CPEB2: variants seen among roughly 807,000 people sequenced by gnomAD.
The protein encoded by CPEB2 is cytoplasmic polyadenylation element binding protein 2.
In CPEB2, 56 loss-of-function variants were observed where a neutral mutation model predicts 93.6. The ratio of observed to expected loss-of-function variants is 0.60; its 90% CI spans 0.48 to 0.75. The LOEUF (loss-of-function observed/expected upper bound fraction) is 0.75, where lower values mean the gene tolerates loss of function less well. CPEB2 is among the 30% of genes least tolerant of loss of function. The pLI, the probability that CPEB2 is intolerant of heterozygous loss-of-function variation, is 0.00. For synonymous variants in CPEB2, 764 were observed against 586.3 expected (o/e 1.30, Z -4.38); for missense variants, 1,579 against 1,395.1 (o/e 1.13, Z -2.10).
chr4:15,025,236 TA>T (rs1306768628), intron 4 of CPEB2, among the ~76,000 whole-genome samples: 18 of 152,220 alleles, frequency 1.2e-4, no homozygotes, highest in East Asian at 9.6e-4. Context: ...AAACCTCCTT[TA>T]AAAAAATTCT....
chr4:15,025,657 T>C (rs1467452639), intron 4 of CPEB2, among the ~76,000 whole-genome samples: 2 of 151,826 alleles, frequency 1.3e-5, no homozygotes, highest in African/African-American at 4.8e-5. Flanking sequence ...AGGAGGGTTC[T>C]TTTAAAAACT....
In CPEB2 at chr4:15,003,206, A is replaced by G; in HGVS notation, c.533A>G (p.Lys178Arg). ...CAGCAGCAGCAGCTGAGCAGCCAGA[A>G]GAGGAAAGAGTTCAGCCCTCCCCAC... Reference protein sequence around the residue: ...KRQQQQLSSQKRKEFSPPHLP... With the variant: ...KRQQQQLSSQRRKEFSPPHLP... The change falls in exon 1 of 12, where the codon AAG (lysine) becomes AGG (arginine). Residue 178 changes from lysine to arginine, a missense_variant. By Grantham distance (26) the Lys-to-Arg change is conservative. This residue lies in a region of CPEB2 where 1,411 missense variants were observed against 1,056.0 expected (regional missense o/e 1.34). Coordinates refer to ENST00000538197, the MANE Select transcript of CPEB2 (RefSeq NM_001177382.2). 1 of 1,533,764 alleles carries G rather than the reference A, an allele frequency of 6.5e-7. No individual in the cohort carries two copies.
At chr4:15,048,014 TG>T (rs1727874611) in intron 6 of CPEB2, among the ~76,000 whole-genome samples, 1 of 151,952 alleles carries the variant, frequency 6.6e-6, no homozygotes, top group South Asian at 2.1e-4. Flanking sequence ...TGTCTGTTTA[TG>T]TAGTACAATT....
chr4:15,028,802 G>C (rs747368687), intron 4 of CPEB2, among the ~76,000 whole-genome samples: 1 of 152,082 alleles, frequency 6.6e-6, no homozygotes, highest in Admixed American at 6.6e-5. Flanking sequence ...GAACAGCAGA[G>C]ATCAGTGTAG....
At chr4:15,012,483 A>G (rs986456832) in intron 3 of CPEB2, among the ~76,000 whole-genome samples, 1 of 152,144 alleles carries the variant, frequency 6.6e-6, no homozygotes, top group Non-Finnish European at 1.5e-5. Context: ...AAAAAATACT[A>G]TTCTTTGTCT....
At chr4:15,023,040 G>A (rs1451541557) in intron 4 of CPEB2, among the ~76,000 whole-genome samples, 1 of 151,802 alleles carries the variant, frequency 6.6e-6, no homozygotes, top group African/African-American at 2.4e-5. Context: ...AATTATGACA[G>A]ACTGAAATTT....
Position 15,007,473 on chromosome 4 carries a change from G to T in CPEB2, c.1831G>T (p.Val611Phe). The change falls in exon 2 of 12, where the codon GTC (valine) becomes TTC (phenylalanine). Residue 611 changes from valine to phenylalanine, a missense_variant. By Grantham distance (50) the Val-to-Phe change is conservative (BLOSUM62 -1). This residue lies in a region of CPEB2 where 1,411 missense variants were observed against 1,056.0 expected (regional missense o/e 1.34). Coordinates refer to ENST00000538197, the MANE Select transcript of CPEB2 (RefSeq NM_001177382.2). ...SPLKKPFSGN[V>F]IAPPKFTRST... ...ATTGAAGAAACCGTTTTCTGGTAAT[G>T]TCATAGCACCACCGAAATTTACTCG... is the stretch of plus-strand genomic sequence containing the variant. 6.2e-7 allele frequency: 1 copy of T among 1,614,086 alleles called. No homozygotes were observed. The highest frequency in any genetic ancestry group is 8.5e-7 in the Non-Finnish European group (1 of 1,180,006).
At chr4:15,022,092 C>A (rs1724870521) in intron 4 of CPEB2, among the ~76,000 whole-genome samples, 1 of 152,072 alleles carries the variant, frequency 6.6e-6, no homozygotes, top group African/African-American at 2.4e-5. Flanking sequence ...AACTGTCGAG[C>A]CAGACAGAGG....
At chr4:15,024,151 AT>A (rs1725155401) in intron 4 of CPEB2, among the ~76,000 whole-genome samples, 1 of 151,956 alleles carries the variant, frequency 6.6e-6, no homozygotes, top group Admixed American at 6.6e-5. Context: ...TATCATCCAG[AT>A]TGTTTTTTTT....
chr4:15,012,992 C>G (rs532724478), intron 3 of CPEB2, among the ~76,000 whole-genome samples: 28 of 152,032 alleles, frequency 1.8e-4, no homozygotes, highest in Admixed American at 1.3e-3. Context: ...TTTGAATTCC[C>G]TTTGTCATAC....
In CPEB2 at chr4:15,052,459, GTCACAGTGA is replaced by G. The variant is rs1260328067; in HGVS notation, c.2250_2258del (p.His750_Asp752del). On this transcript the variant is annotated inframe_deletion, in exon 7 of 12. Transcript: ENST00000538197. ...ATAGATGATGGCTTGCTTGATGATG[GTCACAGTGA>G]TCAAGTTGGAGTTTTAAATTCACCC... 6 of 1,586,522 alleles carry G rather than the reference GTCACAGTGA, an allele frequency of 3.8e-6. No individual in the cohort carries two copies. Among genetic ancestry groups the G allele is most frequent in the Non-Finnish European group, 5.2e-6 (6 of 1,162,954 alleles).
intron 10 of CPEB2, among the ~76,000 whole-genome samples, chr4:15,060,376 CAGAG>C (rs1161885037): frequency 6.6e-6 from 1 of 152,102 alleles, no homozygotes; most frequent in Non-Finnish European, 1.5e-5. Flanking sequence ...GCTAATGATT[CAGAG>C]AGAGGGGGGC....
chr4:15,003,141 C>G lies in CPEB2; in HGVS notation c.468C>G (p.Cys156Trp). The change falls in exon 1 of 12, where the codon TGC (cysteine) becomes TGG (tryptophan). Residue 156 changes from cysteine (C) to tryptophan (W), a missense_variant. Transcript: ENST00000538197. ...CCTCCTCCTCCGCCTCCTCCTGCTG[C>G]TGCTGCCGCACCTCCTCCCCGCAGG... ...HPSSSSASSC[C>W]CCRTSSPQDF... 2 of 1,533,324 alleles carry G rather than the reference C, an allele frequency of 1.3e-6. No individual in the cohort carries two copies. The highest frequency in any genetic ancestry group is 1.7e-6 in the Non-Finnish European group (2 of 1,145,898). The allele number at this position is 1,533,324 out of a possible 1,614,324, so 95.0% of individuals were successfully genotyped here. A position where few individuals can be genotyped will look rare whatever the true frequency, so the allele number is the denominator to read the frequency against.
At chr4:15,044,337 T>C (rs1727459847) in intron 6 of CPEB2, among the ~76,000 whole-genome samples, 1 of 152,202 alleles carries the variant, frequency 6.6e-6, no homozygotes, top group Non-Finnish European at 1.5e-5. Context: ...ATATTATATT[T>C]AATACTGACC....
At chr4:15,018,889 G>C (rs1369553640) in intron 4 of CPEB2, among the ~76,000 whole-genome samples, 1 of 145,746 alleles carries the variant, frequency 6.9e-6, no homozygotes, top group Non-Finnish European at 1.5e-5. Context: ...AACGTAAAAA[G>C]AGGACATTGA....
chr4:15,002,808 C>T lies in CPEB2; in HGVS notation c.135C>T (p.Phe45=). The change falls in exon 1 of 12, where the codon TTC becomes TTT. Residue 45 remains phenylalanine (F), a synonymous_variant. Coordinates refer to ENST00000538197, the MANE Select transcript of CPEB2 (RefSeq NM_001177382.2). ...SVNPLPSATP[F]GPLSPPPLPV... The stretch of plus-strand genomic sequence containing the variant: ...ACCCGCTGCCCTCCGCCACGCCCTT[C>T]GGCCCACTGTCGCCACCACCGTTGC... The T allele has an allele frequency of 6.5e-7, 1 of 1,535,410 alleles. No individual in the cohort carries two copies.
intron 4 of CPEB2, among the ~76,000 whole-genome samples, chr4:15,031,768 T>A (rs1726127935): frequency 6.6e-6 from 1 of 152,246 alleles, no homozygotes; most frequent in African/African-American, 2.4e-5. Context: ...ATTTATGTAT[T>A]TTAGTGTCAA....
intron 5 of CPEB2, among the ~76,000 whole-genome samples, chr4:15,038,031 T>C (rs1726804836): frequency 6.6e-6 from 1 of 152,188 alleles, no homozygotes; most frequent in Non-Finnish European, 1.5e-5. Flanking sequence ...GTTATTTCCA[T>C]AACAGGGAAT....
At position 15,052,543 on chromosome 4, in the gene CPEB2, G is replaced by A. The variant is rs766524075; in HGVS notation, c.2330G>A (p.Arg777Gln). ...QNGERIERFSRKVFVGGLPPD... is the reference protein window; with the variant it reads ...QNGERIERFSQKVFVGGLPPD... ...GGAGAGCGAATAGAACGCTTCTCTC[G>A]AAAAGTTTTTGTTGGTGGTCTTCCT... Residue 777 changes from arginine (R) to glutamine (Q), a missense_variant, in exon 7 of 12, where the codon CGA (arginine) becomes CAA (glutamine). Arg to Gln is a conservative substitution (Grantham distance 43). Coordinates refer to ENST00000538197, the MANE Select transcript of CPEB2 (RefSeq NM_001177382.2). 13 of 1,566,840 alleles carry A rather than the reference G, an allele frequency of 8.3e-6. No individual in the cohort carries two copies. Among genetic ancestry groups the A allele is most frequent in the African/African-American group, 2.7e-5 (2 of 73,672 alleles).
Sources: gnomAD v4.1 joint callset for allele counts (sites outside exome capture counted in the v4.1 genomes callset) on GRCh38, gnomAD v4.1.1 for gene constraint, gnomAD v4.1.1 regional missense constraint, MANE v1.5 for transcripts, NCBI Gene and HGNC (gene_info 2026-07-23, HGNC 2026-07-21) for gene names.